Variants in SGTB observed in about 807,000 individuals in gnomAD.
SGTB encodes small glutamine-rich tetratricopeptide repeat-containing protein beta.
Under a neutral mutation model 43.9 loss-of-function variants are expected in SGTB, and 19 were observed. The ratio of observed to expected loss-of-function variants is 0.43; its 90% CI spans 0.30 to 0.63. SGTB has a LOEUF of 0.63. Ranked by LOEUF, SGTB falls within the 30% of genes least tolerant of loss-of-function variation. The pLI is 0.12. For missense variants in SGTB, 304 were observed against 358.9 expected (o/e 0.85, Z 1.24); for synonymous variants, 116 against 117.3 (o/e 0.99, Z 0.07).
rs1757053001 is a variant in SGTB, at chr5:65,667,076, C to CAA, written c.*3168_*3169dup. ...TACTGGAAGGTTTTTAACTTAACCA[C>CAA]AAACTCAATTTCCTTAATAAATATG... On this transcript the variant is annotated 3_prime_UTR_variant, in exon 11 of 11. Coordinates refer to ENST00000381007, the MANE Select transcript of SGTB (RefSeq NM_019072.3). 6.6e-6 allele frequency: 1 copy of CAA among 152,190 alleles called. No individual in the cohort carries two copies. The highest frequency in any genetic ancestry group is 1.5e-5 in the Non-Finnish European group (1 of 68,014). 9.4% of individuals were successfully genotyped at this position (152,190 alleles called of 1,614,324 possible). A position where few individuals can be genotyped will look rare whatever the true frequency, so the allele number is the denominator to read the frequency against.
intron 1 of SGTB, 141 bp downstream of exon 1, chr5:65,721,776 G>C (rs942446230): frequency 6.6e-6 from 1 of 152,472 alleles, no homozygotes; most frequent in Non-Finnish European, 1.5e-5. Flanking sequence ...TCTCCCCAGA[G>C]CGCATCGAGC....
At chr5:65,700,704 A>G (rs1757798664) in intron 5 of SGTB, among the ~76,000 whole-genome samples, 1 of 146,718 alleles carries the variant, frequency 6.8e-6, no homozygotes. Context: ...AAAAAGAAAG[A>G]AAGAAAAGAA....
chr5:65,722,339 CA>C, upstream of SGTB: 1 of 1,531,120 alleles, frequency 6.5e-7, no homozygotes, highest in Non-Finnish European at 8.8e-7. Context: ...GCCGAAGGAC[CA>C]CGCGCCCGCC....
At chr5:65,693,971 T>G (rs1314284746) in intron 5 of SGTB, among the ~76,000 whole-genome samples, 1 of 152,200 alleles carries the variant, frequency 6.6e-6, no homozygotes, top group African/African-American at 2.4e-5. Flanking sequence ...TGAAATATGC[T>G]AATGCAACTG....
chr5:65,720,467 C>T (rs2150726943), intron 2 of SGTB, among the ~76,000 whole-genome samples: 1 of 152,256 alleles, frequency 6.6e-6, no homozygotes. Context: ...ATATGAACAG[C>T]ATACTTCTGA....
At chr5:65,713,213 C>A in intron 2 of SGTB, 149 bp from the exon 3 acceptor site, 1 of 583,088 alleles carries the variant, frequency 1.7e-6, no homozygotes, top group African/African-American at 1.9e-5. Context: ...AAAGAAATTT[C>A]TGTTTATAGA....
upstream of SGTB, chr5:65,722,491 C>T: frequency 1.5e-6 from 2 of 1,327,088 alleles, no homozygotes; most frequent in Admixed American, 2.1e-5. Context: ...GAGCCCGGAC[C>T]CACCCCTTCC....
At chr5:65,696,256 A>C (rs559220910) in intron 5 of SGTB, among the ~76,000 whole-genome samples, 2 of 152,210 alleles carry the variant, frequency 1.3e-5, no homozygotes, top group Non-Finnish European at 2.9e-5. Context: ...AATTCCCTGC[A>C]TCATGCTCTC....
intron 5 of SGTB, among the ~76,000 whole-genome samples, chr5:65,687,432 T>G (rs1013944051): frequency 1.3e-5 from 2 of 152,218 alleles, no homozygotes; most frequent in Non-Finnish European, 2.9e-5. Context: ...GACACATAGA[T>G]ACATACGTAC....
intron 6 of SGTB, among the ~76,000 whole-genome samples, chr5:65,684,527 T>C (rs1483142091): frequency 6.6e-6 from 1 of 152,048 alleles, no homozygotes; most frequent in Non-Finnish European, 1.5e-5. Flanking sequence ...TCTTAAAGCA[T>C]GAGTGGAGGC....
chr5:65,709,147 G>A (rs1340288001), intron 3 of SGTB, among the ~76,000 whole-genome samples: 1 of 152,042 alleles, frequency 6.6e-6, no homozygotes, highest in Non-Finnish European at 1.5e-5. Flanking sequence ...GAATTAGTAT[G>A]TAAAGAATAG....
At chr5:65,672,073 T>C in intron 9 of SGTB, 75 bp from the exon 10 acceptor site, 1 of 1,586,442 alleles carries the variant, frequency 6.3e-7, no homozygotes, top group Non-Finnish European at 8.6e-7. Context: ...CGAGGAAAAG[T>C]TAATAAAATA....
intron 5 of SGTB, among the ~76,000 whole-genome samples, chr5:65,694,634 C>T (rs1757684198): frequency 6.6e-6 from 1 of 151,944 alleles, no homozygotes; most frequent in Admixed American, 6.6e-5. Context: ...CACCACCACA[C>T]CCAGCTAATT....
At chr5:65,715,023 G>A (rs1436619141) in intron 2 of SGTB, among the ~76,000 whole-genome samples, 1 of 152,194 alleles carries the variant, frequency 6.6e-6, no homozygotes, top group Non-Finnish European at 1.5e-5. Flanking sequence ...GAAATTGATT[G>A]GGATTAGTGA....
intron 2 of SGTB, among the ~76,000 whole-genome samples, chr5:65,719,930 G>T (rs7725407): frequency 1.8e-4 from 28 of 152,118 alleles, no homozygotes; most frequent in African/African-American, 6.7e-4. Context: ...AATGACTCAG[G>T]TATTTTTATA....
chr5:65,680,585 T>C, intron 7 of SGTB, 29 bp from the exon 8 acceptor site: 2 of 1,613,980 alleles, frequency 1.2e-6, no homozygotes, highest in Non-Finnish European at 8.5e-7. Context: ...TGAGAATCAG[T>C]CCAGTATCTA....
At position 65,713,119 on chromosome 5, in the gene SGTB, GTT is replaced by G. The variant is rs3833969; in HGVS notation, c.101-57_101-56del. On this transcript the variant is annotated intron_variant, in intron 2 of 10. Coordinates refer to ENST00000381007, the MANE Select transcript of SGTB (RefSeq NM_019072.3). ...ATTAGCAATTTTAAAAAAGAAACAA[GTT>G]TTTTTTTTCTGATAGAACTGCAATG... The G allele has an allele frequency of 3.1e-4, 344 of 1,123,656 alleles. No homozygotes were observed. In the African/African-American group the frequency reaches 5.0e-3, roughly 16 times the overall value. The allele number at this position is 1,123,656 out of a possible 1,614,324, so 69.6% of individuals were successfully genotyped here. A position where few individuals can be genotyped will look rare whatever the true frequency, so the allele number is the denominator to read the frequency against.
intron 5 of SGTB, among the ~76,000 whole-genome samples, chr5:65,700,160 A>C (rs1057208829): frequency 6.6e-6 from 1 of 152,184 alleles, no homozygotes; most frequent in Non-Finnish European, 1.5e-5. Flanking sequence ...GTCTTACAAG[A>C]CTGTTGGTCT....
chr5:65,682,539 GATATATACAGAAACTA>G (rs1757416756), intron 6 of SGTB, among the ~76,000 whole-genome samples: 1 of 152,174 alleles, frequency 6.6e-6, no homozygotes, highest in Non-Finnish European at 1.5e-5. Flanking sequence ...TTGGATTCAA[GATATATACAGAAACTA>G]GAATTGACAG....
Sources: allele counts gnomAD v4.1 joint callset (sites outside exome capture counted in the v4.1 genomes callset), GRCh38; gene constraint gnomAD v4.1.1; transcripts MANE v1.5; gene names NCBI Gene and HGNC (gene_info 2026-07-23, HGNC 2026-07-21).